Variants in APP observed in about 807,000 individuals in gnomAD.
APP encodes the protein amyloid beta precursor protein, also known as amyloid-beta precursor protein.
Under a neutral mutation model 101.4 loss-of-function variants are expected in APP, and 31 were observed. That is an observed-to-expected ratio of 0.31 (90% CI 0.23 to 0.41). APP has a LOEUF of 0.41. Among genes scored for constraint, APP ranks in the 10% least tolerant of loss-of-function variants. APP has a pLI of 1.00. For synonymous variants in APP, 366 were observed against 364.4 expected (o/e 1.00, Z -0.05); for missense variants, 839 against 1,003.7 (o/e 0.84, Z 2.22).
chr21:26,157,898 C>T (rs1478899971), intron 1 of APP, among the ~76,000 whole-genome samples: 2 of 152,230 alleles, frequency 1.3e-5, no homozygotes, highest in African/African-American at 4.8e-5. Context: ...AAAAGAGGTG[C>T]TCAGTGTCAA....
chr21:26,014,829 T>G (rs1458136749), intron 6 of APP, among the ~76,000 whole-genome samples: 1 of 152,208 alleles, frequency 6.6e-6, no homozygotes, highest in East Asian at 1.9e-4. Flanking sequence ...TAAGCAATAT[T>G]CGGATCAAAC....
At chr21:26,092,481 A>G (rs2061845398) in intron 2 of APP, among the ~76,000 whole-genome samples, 1 of 152,188 alleles carries the variant, frequency 6.6e-6, no homozygotes, top group Non-Finnish European at 1.5e-5. Context: ...AGAACTATGG[A>G]GACTAAAAAG....
At chr21:26,170,218 C>T (rs117107800) in intron 1 of APP, among the ~76,000 whole-genome samples, 2 of 152,178 alleles carry the variant, frequency 1.3e-5, no homozygotes, top group Non-Finnish European at 2.9e-5. Context: ...CCCCTTCCCC[C>T]CTGTCTGAAT....
chr21:25,887,538 A>AC (rs1555888098), intron 17 of APP, among the ~76,000 whole-genome samples: 15 of 145,642 alleles, frequency 1.0e-4, no homozygotes, highest in East Asian at 9.8e-4. Flanking sequence ...AAAAAAAAAA[A>AC]AACAACAACT....
At chr21:25,978,857 C>T (rs1457491042) in intron 9 of APP, among the ~76,000 whole-genome samples, 1 of 152,196 alleles carries the variant, frequency 6.6e-6, no homozygotes, top group Non-Finnish European at 1.5e-5. Context: ...GAGGCTGAGG[C>T]AGGAGAATCG....
chr21:25,946,953 T>C (rs1350654631), intron 13 of APP, among the ~76,000 whole-genome samples: 1 of 152,130 alleles, frequency 6.6e-6, no homozygotes, highest in Non-Finnish European at 1.5e-5. Flanking sequence ...GAGAGCGCAA[T>C]ATTTTTTTAA....
chr21:26,116,701 C>A (rs1243281113), intron 1 of APP, among the ~76,000 whole-genome samples: 1 of 152,136 alleles, frequency 6.6e-6, no homozygotes, highest in Non-Finnish European at 1.5e-5. Flanking sequence ...GGAGAGGGCA[C>A]AGATCCATAG....
At chr21:26,105,068 C>CAAAAA (rs10579923) in intron 2 of APP, among the ~76,000 whole-genome samples, 10 of 110,484 alleles carry the variant, frequency 9.1e-5, no homozygotes, top group African/African-American at 3.7e-4. Flanking sequence ...GCATTTTTTT[C>CAAAAA]AAAAAAAAAA....
chr21:25,915,816 C>T (rs1245945925), intron 13 of APP, among the ~76,000 whole-genome samples: 2 of 152,216 alleles, frequency 1.3e-5, no homozygotes, highest in Non-Finnish European at 2.9e-5. Flanking sequence ...TTTCTCTTTT[C>T]TCTGTTACAC....
chr21:25,983,515 T>C (rs945254496), intron 8 of APP, among the ~76,000 whole-genome samples: 1 of 152,232 alleles, frequency 6.6e-6, no homozygotes, highest in Non-Finnish European at 1.5e-5. Flanking sequence ...ATTTTGAAAC[T>C]AAACTTGAAG....
intron 8 of APP, among the ~76,000 whole-genome samples, chr21:25,993,628 T>C (rs950846595): frequency 4.6e-5 from 7 of 152,212 alleles, no homozygotes; most frequent in Admixed American, 2.0e-4. Flanking sequence ...CTGTCGAGAA[T>C]TGGATGATGC....
At chr21:25,970,477 C>T (rs2041989599) in intron 11 of APP, among the ~76,000 whole-genome samples, 1 of 152,122 alleles carries the variant, frequency 6.6e-6, no homozygotes, top group South Asian at 2.1e-4. Context: ...GCCTATCCTT[C>T]TCTGGCAAAT....
At chr21:26,129,331 C>T (rs368897021) in intron 1 of APP, among the ~76,000 whole-genome samples, 6 of 151,948 alleles carry the variant, frequency 3.9e-5, no homozygotes, top group African/African-American at 1.5e-4. Flanking sequence ...ATTAGCCATG[C>T]GTGGTGGCAG....
chr21:26,138,694 GAAAACAAAACAAAAC>G (rs151222318), intron 1 of APP, among the ~76,000 whole-genome samples: 7 of 150,162 alleles, frequency 4.7e-5, no homozygotes, highest in Admixed American at 1.3e-4. Flanking sequence ...GCCTGTCTCA[GAAAACAAAACAAAAC>G]AAAACAAAAC....
intron 13 of APP, chr21:25,937,678 A>C (rs1394058800): frequency 6.6e-6 from 1 of 152,254 alleles, no homozygotes; most frequent in Non-Finnish European, 1.5e-5. Flanking sequence ...TAGGTTCACA[A>C]TTTCTGAAAC....
At chr21:25,950,369 C>CT (rs1005212439) in intron 13 of APP, among the ~76,000 whole-genome samples, 249 of 140,782 alleles carry the variant, frequency 1.8e-3, no homozygotes, top group African/African-American at 4.3e-3. Flanking sequence ...CCACAAGCAG[C>CT]TTTTTTTTTT....
chr21:25,925,882 G>A (rs1421342941), intron 13 of APP, among the ~76,000 whole-genome samples: 1 of 152,228 alleles, frequency 6.6e-6, no homozygotes, highest in Admixed American at 6.5e-5. Context: ...GCTGCAGTGA[G>A]CCGAGATTGT....
At chr21:25,894,557 C>T (rs1478638509) in intron 16 of APP, among the ~76,000 whole-genome samples, 1 of 152,160 alleles carries the variant, frequency 6.6e-6, no homozygotes, top group Admixed American at 6.5e-5. Context: ...GATGTCACAG[C>T]AGATGTGGTG....
chr21:26,149,938 G>A (rs180868140), intron 1 of APP, among the ~76,000 whole-genome samples: 1 of 152,168 alleles, frequency 6.6e-6, no homozygotes, highest in Non-Finnish European at 1.5e-5. Flanking sequence ...ACACTGTATT[G>A]TTCTCTCCAG....
Sources: allele counts gnomAD v4.1 joint callset (sites outside exome capture counted in the v4.1 genomes callset), GRCh38; gene constraint gnomAD v4.1.1; transcripts MANE v1.5; gene names NCBI Gene and HGNC (gene_info 2026-07-23, HGNC 2026-07-21).